Variants in STK10 observed in about 807,000 individuals in gnomAD.
STK10 encodes the protein serine/threonine kinase 10.
STK10 carries 78 observed loss-of-function variants against 113.8 expected under a neutral mutation model. That is an observed-to-expected ratio of 0.69 (90% CI 0.57 to 0.83). The LOEUF (loss-of-function observed/expected upper bound fraction) is 0.83, where lower values mean the gene tolerates loss of function less well. Ranked by LOEUF, STK10 falls within the 40% of genes least tolerant of loss-of-function variation. The probability of loss-of-function intolerance (pLI) is 0.00; values close to 1 mark genes in which losing one functional copy is unlikely to be tolerated. For missense variants in STK10, 1,109 were observed against 1,280.1 expected (o/e 0.87, Z 2.04); for synonymous variants, 465 against 494.7 (o/e 0.94, Z 0.80).
intron 6 of STK10, among the ~76,000 whole-genome samples, chr5:172,106,419 G>GAAAAAAAAAAAAAA (rs1769110876): frequency 2.9e-5 from 3 of 102,106 alleles, no homozygotes; most frequent in East Asian, 3.2e-4. Context: ...AAAAAAAAAA[G>GAAAAAAAAAAAAAA]GAACACAAAG....
rs555064715 is a variant in STK10 at position 172,187,486 on chromosome 5, G to A, written c.156+401C>T. 4.6e-5 allele frequency among the ~76,000 whole-genome samples: 7 copies of A among 151,928 alleles called. No homozygotes were observed. Among genetic ancestry groups the A allele is most frequent in the Non-Finnish European group, 8.8e-5 (6 of 67,982 alleles). On this transcript the variant is annotated intron_variant, in intron 1 of 18. Coordinates refer to ENST00000176763, the MANE Select transcript of STK10 (RefSeq NM_005990.4). This position sits in a 1 kb window ranked among gnomAD's most constrained non-coding sequence, Gnocchi z 4.6. ...GCCTCGATATTCCCACAGCATCTGT[G>A]GTCTCTCTTAAAAAAAAAAGTGTGC... is the stretch of plus-strand genomic sequence containing the variant.
At position 172,082,971 on chromosome 5, in the gene STK10, T is replaced by C; in HGVS notation, c.1799A>G (p.Gln600Arg). ...TTTTCTCGCACTCACGTTGATTTCC[T>C]GTTCAAAACGTTTATGCATTTGCTC... ...QLEQMHKRFE[Q>R]EINAKKKFFD... is the part of the protein sequence containing the mutation. Residue 600 changes from glutamine (Q) to arginine (R), a missense_variant, in exon 11 of 19, where the codon CAG becomes CGG. Transcript: ENST00000176763. The surrounding 1 kb of genome is among the most constrained non-coding windows in gnomAD (Gnocchi z 4.3). 1 of 1,613,738 alleles carries C rather than the reference T, an allele frequency of 6.2e-7. No individual in the cohort carries two copies. The highest frequency in any genetic ancestry group is 8.5e-7 in the Non-Finnish European group (1 of 1,179,988).
At position 172,096,579 on chromosome 5, in the gene STK10, C is replaced by T. The variant is rs1768861119; in HGVS notation, c.871-19G>A. The T allele has an allele frequency of 1.2e-6, 2 of 1,611,706 alleles. 1 individual carries two copies. The highest frequency in any genetic ancestry group is 2.7e-5 in the African/African-American group (2 of 75,056). On this transcript the variant is annotated intron_variant, in intron 7 of 18. Coordinates refer to ENST00000176763, the MANE Select transcript of STK10 (RefSeq NM_005990.4). ...AGGGATGCTGAGGGGGCAAGATGCACCCAGATTAGAACCACTCTGGGGTCA... is the reference window on the plus strand; with the variant it reads ...AGGGATGCTGAGGGGGCAAGATGCATCCAGATTAGAACCACTCTGGGGTCA...
chr5:172,062,638 G>A (rs1430017415), intron 13 of STK10, among the ~76,000 whole-genome samples: 5 of 152,212 alleles, frequency 3.3e-5, no homozygotes, highest in African/African-American at 1.2e-4. Flanking sequence ...AGTGAAATAA[G>A]CCAGTCACAA....
chr5:172,140,409 C>A (rs1165594078), intron 2 of STK10, among the ~76,000 whole-genome samples: 1 of 152,176 alleles, frequency 6.6e-6, no homozygotes, highest in Non-Finnish European at 1.5e-5. Context: ...AAAAACAGAA[C>A]TACTTGGCCA....
chr5:172,105,970 G>T (rs1313573526), intron 6 of STK10, among the ~76,000 whole-genome samples: 1 of 152,196 alleles, frequency 6.6e-6, no homozygotes, highest in Non-Finnish European at 1.5e-5. Flanking sequence ...GCAGTGAGGA[G>T]ACTCAGCAGT....
chr5:172,089,971 G>A (rs1431182323), intron 10 of STK10, among the ~76,000 whole-genome samples: 1 of 152,220 alleles, frequency 6.6e-6, no homozygotes, highest in South Asian at 2.1e-4. Context: ...ATGGGTAGAC[G>A]GATGGGTGGA....
In STK10 at chr5:172,061,168, C is replaced by T. The variant is rs766058251; in HGVS notation, c.2183G>A (p.Cys728Tyr). Residue 728 changes from cysteine to tyrosine, a missense_variant, in exon 14 of 19, where the codon TGC (cysteine) becomes TAC (tyrosine). Transcript: ENST00000176763. Reference protein sequence around the residue: ...RREICDKERECLMKKQELLRD... With the variant: ...RREICDKEREYLMKKQELLRD... Reference sequence around the variant, plus strand: ...AAGGAGCTCCTGCTTCTTCATGAGGCACTCGCGCTCCTTGTCACAGATCTC... The same window carrying T: ...AAGGAGCTCCTGCTTCTTCATGAGGTACTCGCGCTCCTTGTCACAGATCTC... 2 of 1,613,096 alleles carry T rather than the reference C, an allele frequency of 1.2e-6. No homozygotes were observed. Among genetic ancestry groups the T allele is most frequent in the Non-Finnish European group, 1.7e-6 (2 of 1,179,798 alleles).
chr5:172,121,825 C>T (rs1769517188), intron 3 of STK10, among the ~76,000 whole-genome samples: 1 of 151,870 alleles, frequency 6.6e-6, no homozygotes. Flanking sequence ...CTTGGTTTCC[C>T]AAAGTGTTGG....
At chr5:172,065,545 C>T (rs184200555) in intron 12 of STK10, among the ~76,000 whole-genome samples, 38 of 152,250 alleles carry the variant, frequency 2.5e-4, no homozygotes, top group African/African-American at 8.7e-4. Flanking sequence ...ACTTTAGTAT[C>T]CCCCTTGTCA....
chr5:172,090,935 TAAAAAAAAAAAAA>T (rs547251159), intron 9 of STK10, among the ~76,000 whole-genome samples: 5 of 46,142 alleles, frequency 1.1e-4, no homozygotes, highest in African/African-American at 2.9e-4. Flanking sequence ...ACTCCGTCTC[TAAAAAAAAAAAAA>T]AAAAAAAAAA....
At chr5:172,160,492 C>A (rs2113822171) in intron 1 of STK10, among the ~76,000 whole-genome samples, 1 of 151,724 alleles carries the variant, frequency 6.6e-6, no homozygotes, top group East Asian at 1.9e-4. Context: ...AAAAAGGCCC[C>A]TAAAAGCACG....
intron 1 of STK10, among the ~76,000 whole-genome samples, chr5:172,174,940 G>A (rs541100771): frequency 6.6e-5 from 10 of 152,144 alleles, no homozygotes; most frequent in East Asian, 5.8e-4. Flanking sequence ...GTCCCTCCTC[G>A]TCCCCATCCT....
At chr5:172,106,426 A>G in intron 6 of STK10, among the ~76,000 whole-genome samples, 194 bp downstream of exon 6, 1 of 144,454 alleles carries the variant, frequency 6.9e-6, no homozygotes, top group South Asian at 2.2e-4. Context: ...AAAGGAACAC[A>G]AAGGGAAAAA....
chr5:172,071,463 C>T (rs1229170006), intron 12 of STK10, among the ~76,000 whole-genome samples: 1 of 151,626 alleles, frequency 6.6e-6, no homozygotes, highest in African/African-American at 2.4e-5. Context: ...GCACAGCTAT[C>T]TTCAGTAGGG....
chr5:172,093,266 G>T lies in STK10; in HGVS notation c.1554+146C>A. 1 of 806,170 alleles carries T rather than the reference G, an allele frequency of 1.2e-6. No individual in the cohort carries two copies. Among genetic ancestry groups the T allele is most frequent in the East Asian group, 2.6e-5 (1 of 37,878 alleles). 49.9% of individuals were successfully genotyped at this position (806,170 alleles called of 1,614,324 possible). A position where few individuals can be genotyped will look rare whatever the true frequency, so the allele number is the denominator to read the frequency against. ...CCATATTGAACCCAGATATTTTGGA[G>T]ATTAAACTATGAGTCAAACCCAAAA... is the stretch of plus-strand genomic sequence containing the variant. On this transcript the variant is annotated intron_variant, in intron 9 of 18. Coordinates refer to ENST00000176763, the MANE Select transcript of STK10 (RefSeq NM_005990.4). The surrounding 1 kb of genome is among the most constrained non-coding windows in gnomAD (Gnocchi z 4.1).
chr5:172,163,214 C>T (rs748135699), intron 1 of STK10, among the ~76,000 whole-genome samples: 4 of 152,112 alleles, frequency 2.6e-5, no homozygotes, highest in Non-Finnish European at 4.4e-5. Flanking sequence ...TCCATCCAGC[C>T]CTTAAAGACA....
intron 18 of STK10, among the ~76,000 whole-genome samples, chr5:172,048,770 T>G (rs75319238): frequency 0.039 from 5,944 of 152,002 alleles, 370 homozygotes; most frequent in African/African-American, 0.13. Context: ...CCTTGTCCTC[T>G]GCTCAGAACC....
At chr5:172,073,913 C>T (rs1768253442) in intron 12 of STK10, among the ~76,000 whole-genome samples, 1 of 150,948 alleles carries the variant, frequency 6.6e-6, no homozygotes, top group South Asian at 2.1e-4. Context: ...TGTAGTGAGC[C>T]AAGATCACGC....
Sources: gnomAD v4.1 joint callset for allele counts (sites outside exome capture counted in the v4.1 genomes callset) on GRCh38, gnomAD v4.1.1 for gene constraint, Gnocchi (gnomAD v3.1) non-coding constraint, MANE v1.5 for transcripts, NCBI Gene and HGNC (gene_info 2026-07-23, HGNC 2026-07-21) for gene names.